Variants in RIBC2 observed in about 807,000 individuals in gnomAD.
RIBC2 encodes the protein RIB43A-like with coiled-coils protein 2.
Under a neutral mutation model 44.3 loss-of-function variants are expected in RIBC2, and 40 were observed. That is an observed-to-expected ratio of 0.90 (90% CI 0.70 to 1.18). The LOEUF is 1.18. Ranked by LOEUF, RIBC2 falls within the 50% of genes most tolerant of loss-of-function variation. The pLI is 0.00. For synonymous variants in RIBC2, 171 were observed against 175.0 expected, an observed-to-expected ratio of 0.98 and a Z score of 0.18; for missense variants, 459 against 485.5, an observed-to-expected ratio of 0.95 and a Z score of 0.51.
intron 2 of RIBC2, among the ~76,000 whole-genome samples, chr22:45,415,529 T>C (rs552358592): frequency 6.6e-6 from 1 of 152,160 alleles, no homozygotes; most frequent in South Asian, 2.1e-4. Context: ...ACCATCAGAC[T>C]AGATGTTAAC....
chr22:45,429,548 G>GACCA (rs1310358431), intron 5 of RIBC2, among the ~76,000 whole-genome samples: 13 of 152,220 alleles, frequency 8.5e-5, no homozygotes, highest in Middle Eastern at 3.4e-3. Context: ...ATGAGGAGTG[G>GACCA]GTGGGGCAGC....
chr22:45,420,260 C>T (rs1175775306), intron 3 of RIBC2, among the ~76,000 whole-genome samples: 1 of 152,164 alleles, frequency 6.6e-6, no homozygotes, highest in Non-Finnish European at 1.5e-5. Context: ...ATGTGCTGTT[C>T]CCTCTGCTTA....
At chr22:45,421,508 G>C (rs5765339) in intron 3 of RIBC2, among the ~76,000 whole-genome samples, 85,186 of 138,300 alleles carry the variant, frequency 0.62, 28,191 homozygotes, top group African/African-American at 0.87. Context: ...ATTAATAATA[G>C]TATTATTAAT....
chr22:45,423,696 A>C (rs78010116), intron 4 of RIBC2, among the ~76,000 whole-genome samples: 1 of 152,142 alleles, frequency 6.6e-6, no homozygotes. Flanking sequence ...AGGAGAGCCA[A>C]CTGCGGGGGC....
Position 45,429,357 on chromosome 22 carries a change from G to A in RIBC2, c.904-1543G>A, listed in dbSNP as rs977382367. ...GAGCAGCTGGGGACAAGAGAGGGCT[G>A]TCTCTGTGTGTGCTGAAACCACTGA... On this transcript the variant is annotated intron_variant, in intron 5 of 6. Coordinates refer to ENST00000614167, the MANE Select transcript of RIBC2 (RefSeq NM_015653.5). Among the ~76,000 whole-genome samples, 13 of 152,194 alleles carry A rather than the reference G, an allele frequency of 8.5e-5. 1 individual carries two copies. Among genetic ancestry groups the A allele is most frequent in the Non-Finnish European group, 4.4e-5 (3 of 68,040 alleles).
chr22:45,428,664 G>A (rs758873799), intron 5 of RIBC2, among the ~76,000 whole-genome samples: 8 of 152,154 alleles, frequency 5.3e-5, no homozygotes, highest in South Asian at 2.1e-4. Context: ...TGAAGTGACC[G>A]TCATTTTCTA....
intron 4 of RIBC2, among the ~76,000 whole-genome samples, chr22:45,424,364 C>G (rs969123542): frequency 2.1e-5 from 3 of 140,564 alleles, no homozygotes; most frequent in African/African-American, 8.7e-5. Context: ...GGGTGTGGCA[C>G]GCAGGCTCTG....
intron 5 of RIBC2, among the ~76,000 whole-genome samples, chr22:45,428,162 CT>C (rs2036165740): frequency 6.6e-6 from 1 of 152,350 alleles, no homozygotes; most frequent in Admixed American, 6.5e-5. Context: ...AGGCTAAACG[CT>C]GGATCCAGCA....
At chr22:45,415,587 T>C (rs1376278193) in intron 2 of RIBC2, among the ~76,000 whole-genome samples, 1 of 133,614 alleles carries the variant, frequency 7.5e-6, no homozygotes. Flanking sequence ...TTGAGAATTG[T>C]GTTTTTTATA....
At chr22:45,428,203 A>G (rs572957812) in intron 5 of RIBC2, among the ~76,000 whole-genome samples, 240 of 152,298 alleles carry the variant, frequency 1.6e-3, no homozygotes, top group Non-Finnish European at 3.0e-3. Flanking sequence ...CCCTGTCAGG[A>G]AGGAGCATGT....
At position 45,426,000 on chromosome 22, in the gene RIBC2, A is replaced by G; in HGVS notation, c.728A>G (p.Asp243Gly). The stretch of plus-strand genomic sequence containing the variant: ...CAAGAGAAAAAGCAAGAACAAGAGG[A>G]CAACTTGGCCGAGATCACCAACCTC... Reference protein sequence around the residue: ...KKQEKKQEQEDNLAEITNLLR... With the variant: ...KKQEKKQEQEGNLAEITNLLR... The change falls in exon 5 of 7, where the codon GAC becomes GGC. Residue 243 changes from aspartate (D) to glycine (G), a missense_variant. Asp to Gly is a moderately conservative substitution (Grantham distance 94, BLOSUM62 -1). Transcript: ENST00000614167. 1 of 1,614,088 alleles carries G rather than the reference A, an allele frequency of 6.2e-7. No individual in the cohort carries two copies. Among genetic ancestry groups the G allele is most frequent in the Non-Finnish European group, 8.5e-7 (1 of 1,180,016 alleles).
chr22:45,430,754 C>T, intron 5 of RIBC2, 146 bp from the exon 6 acceptor site: 1 of 1,041,524 alleles, frequency 9.6e-7, no homozygotes, highest in Non-Finnish European at 1.4e-6. Context: ...CCTCTGGCTT[C>T]CTGCATGACA....
rs746307159 is a variant in RIBC2 at position 45,417,944 on chromosome 22, C to T, written c.554C>T (p.Ala185Val). The change falls in exon 3 of 7, where the codon GCA (alanine) becomes GTA (valine). Residue 185 changes from alanine (A) to valine (V), a missense_variant and splice_region_variant. Transcript: ENST00000614167. ...AACGCCCGTGCTGAACAAAAATGCG[C>T]AGGTAATGAAACAGAAGAGACGAGC... ...WKNARAEQKC[A>V]EALYTETRLQ... The T allele has an allele frequency of 2.8e-5, 45 of 1,589,994 alleles. No homozygotes were observed. Among genetic ancestry groups the T allele is most frequent in the Non-Finnish European group, 3.3e-5 (39 of 1,166,902 alleles).
chr22:45,414,569 C>T (rs75339285), intron 2 of RIBC2, among the ~76,000 whole-genome samples, 166 bp downstream of exon 2: 40 of 151,436 alleles, frequency 2.6e-4, no homozygotes, highest in Non-Finnish European at 4.7e-4. Flanking sequence ...GGAACTCCTG[C>T]GTGCAAGTGA....
intron 2 of RIBC2, among the ~76,000 whole-genome samples, chr22:45,417,167 TTGGG>T (rs1369576444): frequency 1.3e-5 from 2 of 152,064 alleles, no homozygotes; most frequent in African/African-American, 4.8e-5. Flanking sequence ...TCCCAAAGTG[TTGGG>T]ATTACAGGTG....
chr22:45,425,908 G>A, intron 4 of RIBC2, 40 bp from the exon 5 acceptor site: 1 of 1,560,252 alleles, frequency 6.4e-7, no homozygotes, highest in Non-Finnish European at 8.8e-7. Context: ...TGCCCCTGGG[G>A]TCACTCGGAC....
intron 3 of RIBC2, among the ~76,000 whole-genome samples, chr22:45,421,900 G>A (rs1395585499): frequency 6.6e-6 from 1 of 151,978 alleles, no homozygotes; most frequent in African/African-American, 2.4e-5. Context: ...CTGGTTTCTT[G>A]CTCTTTCACT....
chr22:45,418,006 GT>G (rs67045505), intron 3 of RIBC2, 60 bp downstream of exon 3: 308,680 of 595,134 alleles, frequency 0.52, 70,458 homozygotes, highest in African/African-American at 0.77. Flanking sequence ...CAACCCTACA[GT>G]TTTTTTTTTT....
chr22:45,427,028 G>C (rs2087540857), intron 5 of RIBC2, among the ~76,000 whole-genome samples: 1 of 152,158 alleles, frequency 6.6e-6, no homozygotes, highest in African/African-American at 2.4e-5. Context: ...GGGAGGAGCA[G>C]GTTGGTGGGT....
Sources: allele counts gnomAD v4.1 joint callset (sites outside exome capture counted in the v4.1 genomes callset), GRCh38; gene constraint gnomAD v4.1.1; transcripts MANE v1.5; gene names NCBI Gene and HGNC (gene_info 2026-07-23, HGNC 2026-07-21).